SP3: variants seen among roughly 807,000 people sequenced by gnomAD.
The protein encoded by SP3 is Sp3 transcription factor, also known as transcription factor Sp3.
In SP3, 10 loss-of-function variants were observed where a neutral mutation model predicts 70.3. The observed-to-expected ratio is 0.14, with a 90% confidence interval of 0.09 to 0.24. The LOEUF (loss-of-function observed/expected upper bound fraction) is 0.24. Ranked by LOEUF, SP3 falls within the 10% of genes least tolerant of loss-of-function variation. The pLI, the probability that SP3 is intolerant of heterozygous loss-of-function variation, is 1.00. For missense variants in SP3, 825 were observed against 914.6 expected (o/e 0.90, Z 1.26); for synonymous variants, 402 against 333.5 (o/e 1.21, Z -2.24).
intron 1 of SP3, 132 bp from the exon 2 acceptor site, chr2:173,964,685 C>CGGCGGG (rs1691229361): frequency 3.6e-6 from 1 of 281,478 alleles, no homozygotes; most frequent in Admixed American, 6.8e-5. Context: ...ACCCGCCCCC[C>CGGCGGG]GGCGGCGGCG....
rs976339483 is a variant in SP3, at chr2:173,909,062, C to T, written c.*879G>A. 2.0e-5 allele frequency: 3 copies of T among 152,458 alleles called. No individual in the cohort carries two copies. The highest frequency in any genetic ancestry group is 7.2e-5 in the African/African-American group (3 of 41,420). 9.4% of individuals were successfully genotyped at this position (152,458 alleles called of 1,614,324 possible). A position where few individuals can be genotyped will look rare whatever the true frequency, so the allele number is the denominator to read the frequency against. The stretch of plus-strand genomic sequence containing the variant: ...GTAATTTACATGATGGCTTTTAAGG[C>T]CCTGGGAGACATGGTTTTTGGAAAC... On this transcript the variant is annotated 3_prime_UTR_variant, in exon 7 of 7. Coordinates refer to ENST00000310015, the MANE Select transcript of SP3 (RefSeq NM_003111.5).
At chr2:173,944,607 GTTC>G (rs1240341129) in intron 4 of SP3, among the ~76,000 whole-genome samples, 1 of 152,160 alleles carries the variant, frequency 6.6e-6, no homozygotes, top group East Asian at 1.9e-4. Flanking sequence ...CTGTAATAAA[GTTC>G]TTCTCTTGGA....
intron 4 of SP3, among the ~76,000 whole-genome samples, chr2:173,936,604 A>G (rs1416364432): frequency 6.6e-6 from 1 of 152,224 alleles, no homozygotes; most frequent in Non-Finnish European, 1.5e-5. Context: ...AAGTAACCCA[A>G]TGAAATACTA....
Position 173,964,420 on chromosome 2 carries a change from C to T in SP3, c.141G>A (p.Ala47=), listed in dbSNP as rs1342099741. The T allele has an allele frequency of 1.4e-6, 1 of 729,014 alleles. No homozygotes were observed. Among genetic ancestry groups the T allele is most frequent in the Non-Finnish European group, 2.5e-6 (1 of 398,264 alleles). The allele number at this position is 729,014 out of a possible 1,614,324, so 45.2% of individuals were successfully genotyped here. A position where few individuals can be genotyped will look rare whatever the true frequency, so the allele number is the denominator to read the frequency against. The part of the protein sequence containing the change: ...QQQHGNGAVA[A]AAAAQDTQPS... The stretch of plus-strand genomic sequence containing the variant: ...CGCTCCTCACCTGGGCCGCCGCTGC[C>T]GCCGCCACCGCACCGTTTCCGTGCT... Residue 47 remains alanine, a synonymous_variant, in exon 2 of 7, where the codon GCG becomes GCA. Coordinates refer to ENST00000310015, the MANE Select transcript of SP3 (RefSeq NM_003111.5).
chr2:173,938,373 C>T lies in SP3; in HGVS notation c.1639+16500G>A, dbSNP rs770244653. On this transcript the variant is annotated intron_variant, in intron 4 of 6. Coordinates refer to ENST00000310015, the MANE Select transcript of SP3 (RefSeq NM_003111.5). ...TCGGGAGAGGCTGAGGCAGGAGAAT[C>T]ACTTGAACCTAAGAGGCAGAGGTTG... is the stretch of plus-strand genomic sequence containing the variant. Among the ~76,000 whole-genome samples the T allele has an allele frequency of 3.5e-4, 51 of 146,782 alleles. 1 individual carries two copies. Among genetic ancestry groups the T allele is most frequent in the Middle Eastern group, 3.5e-3 (1 of 286 alleles).
intron 4 of SP3, among the ~76,000 whole-genome samples, chr2:173,938,248 G>A (rs112883732): frequency 0.2 from 29,728 of 151,866 alleles, 3,106 homozygotes; most frequent in Middle Eastern, 0.27. Flanking sequence ...CCTGAGGTCA[G>A]AAGTTCAAGA....
rs1036995624 is a variant in SP3 at position 173,955,240 on chromosome 2, C to T, written c.1272G>A (p.Val424=). ...QGITPQTIHG[V]QASGQNISQQ... is the part of the protein sequence containing the mutation. Reference sequence around the variant, plus strand: ...GTGATATATTTTGACCACTGGCTTGCACACCATGGATTGTCTGTGGTGTAA... The same window carrying T: ...GTGATATATTTTGACCACTGGCTTGTACACCATGGATTGTCTGTGGTGTAA... Residue 424 remains valine (V), a synonymous_variant, in exon 4 of 7, where the codon GTG becomes GTA. Coordinates refer to ENST00000310015, the MANE Select transcript of SP3 (RefSeq NM_003111.5). The T allele has an allele frequency of 6.2e-7, 1 of 1,614,024 alleles. No individual in the cohort carries two copies. The highest frequency in any genetic ancestry group is 1.3e-5 in the African/African-American group (1 of 74,924).
intron 4 of SP3, among the ~76,000 whole-genome samples, chr2:173,941,178 C>T (rs1473423834): frequency 6.6e-6 from 1 of 151,272 alleles, no homozygotes; most frequent in Non-Finnish European, 1.5e-5. Context: ...AAATCCTCTT[C>T]ACCTTTTAAA....
At chr2:173,922,760 G>A (rs1433265187) in intron 4 of SP3, among the ~76,000 whole-genome samples, 2 of 152,182 alleles carry the variant, frequency 1.3e-5, no homozygotes, top group African/African-American at 4.8e-5. Context: ...ATATAACATT[G>A]TGGTAATCAC....
chr2:173,941,356 C>T (rs1690368000), intron 4 of SP3, among the ~76,000 whole-genome samples: 1 of 152,152 alleles, frequency 6.6e-6, no homozygotes, highest in Non-Finnish European at 1.5e-5. Context: ...GCCTGTAATC[C>T]CAGCACTTTG....
chr2:173,947,476 G>A (rs989260680), intron 4 of SP3, among the ~76,000 whole-genome samples: 1 of 151,984 alleles, frequency 6.6e-6, no homozygotes, highest in African/African-American at 2.4e-5. Context: ...GACATGCCTT[G>A]AATAGCAAGA....
In SP3 at chr2:173,955,925, C is replaced by A. The variant is rs985644013; in HGVS notation, c.587G>T (p.Gly196Val). 1 of 1,614,148 alleles carries A rather than the reference C, an allele frequency of 6.2e-7. No individual in the cohort carries two copies. The highest frequency in any genetic ancestry group is 1.1e-5 in the South Asian group (1 of 91,086). Reference protein sequence around the residue: ...IGFTGSSDNGGINQESSQIQI... With the variant: ...IGFTGSSDNGVINQESSQIQI... ...AATTTGACTGCTTTCTTGATTTATA[C>A]CCCCATTATCTGAAGAGCCTGTGAA... is the stretch of plus-strand genomic sequence containing the variant. The change falls in exon 4 of 7, where the codon GGT (glycine) becomes GTT (valine). Residue 196 changes from glycine (G) to valine (V), a missense_variant. Physicochemically the swap from Gly to Val is moderately radical, Grantham distance 109 (BLOSUM62 -3). Around this residue, in one of 4 missense-constraint regions of SP3, gnomAD observed 678 missense variants for 651.6 expected, o/e 1.04. Coordinates refer to ENST00000310015, the MANE Select transcript of SP3 (RefSeq NM_003111.5).
In SP3 at chr2:173,965,366, A is replaced by C. The variant is rs1691262049; in HGVS notation, c.-195T>G. ...AGCCTCCAGCCCAAAAGGGGGGAAG[A>C]GGGTGACAGCCCGCCCGGAACTCCC... On this transcript the variant is annotated 5_prime_UTR_variant, in exon 1 of 7. Transcript: ENST00000310015. 6.5e-6 allele frequency: 4 copies of C among 618,948 alleles called. No homozygotes were observed. Among genetic ancestry groups the C allele is most frequent in the Non-Finnish European group, 1.1e-5 (4 of 356,218 alleles). The allele number at this position is 618,948 out of a possible 1,614,324, so 38.3% of individuals were successfully genotyped here.
intron 4 of SP3, among the ~76,000 whole-genome samples, chr2:173,952,388 C>T (rs886469391): frequency 6.6e-6 from 1 of 152,192 alleles, no homozygotes; most frequent in Non-Finnish European, 1.5e-5. Flanking sequence ...AAAGATACCA[C>T]TTCACACCCA....
intron 4 of SP3, among the ~76,000 whole-genome samples, chr2:173,949,012 T>TA (rs1435002844): frequency 1.3e-5 from 2 of 152,096 alleles, no homozygotes; most frequent in East Asian, 3.9e-4. Flanking sequence ...AGCAACAGTG[T>TA]AAAAGTCTTA....
chr2:173,932,193 A>C (rs748732929), intron 4 of SP3, among the ~76,000 whole-genome samples: 6 of 152,102 alleles, frequency 3.9e-5, no homozygotes, highest in Non-Finnish European at 7.4e-5. Context: ...CAATTTGCCT[A>C]GTTTTTTCTT....
At chr2:173,938,329 C>A (rs1381784058) in intron 4 of SP3, among the ~76,000 whole-genome samples, 1 of 151,798 alleles carries the variant, frequency 6.6e-6, no homozygotes, top group African/African-American at 2.4e-5. Flanking sequence ...TGGTGGTGGG[C>A]GCCTGTAATC....
At chr2:173,961,182 G>A (rs1691061520) in intron 3 of SP3, among the ~76,000 whole-genome samples, 1 of 152,138 alleles carries the variant, frequency 6.6e-6, no homozygotes, top group Admixed American at 6.5e-5. Context: ...CCATCTTTCA[G>A]AGTCCATGTT....
intron 2 of SP3, 54 bp from the exon 3 acceptor site, chr2:173,963,937 A>G: frequency 7.8e-7 from 1 of 1,276,878 alleles, no homozygotes; most frequent in Non-Finnish European, 1.0e-6. Flanking sequence ...GGTGGCGGTT[A>G]GGGTCGGGCC....
Sources: allele counts gnomAD v4.1 joint callset (sites outside exome capture counted in the v4.1 genomes callset), GRCh38; gene constraint gnomAD v4.1.1; regional missense constraint gnomAD v4.1.1; transcripts MANE v1.5; gene names NCBI Gene and HGNC (gene_info 2026-07-23, HGNC 2026-07-21).